The following APBA2 variants were observed in gnomAD, a reference collection of about 807,000 sequenced individuals.
APBA2 encodes the protein amyloid-beta A4 precursor protein-binding family A member 2.
APBA2 carries 30 observed loss-of-function variants against 75.0 expected under a neutral mutation model. The ratio of observed to expected loss-of-function variants is 0.40; its 90% CI spans 0.30 to 0.54. APBA2 has a LOEUF of 0.54. Ranked by LOEUF, APBA2 falls within the 20% of genes least tolerant of loss-of-function variation. The probability of loss-of-function intolerance (pLI) is 0.49; values close to 1 mark genes in which losing one functional copy is unlikely to be tolerated. For missense variants in APBA2, 801 were observed against 1,016.1 expected (o/e 0.79, Z 2.88); for synonymous variants, 444 against 409.6 (o/e 1.08, Z -1.01).
Position 29,117,630 on chromosome 15 carries a change from C to G in APBA2, c.*497C>G, listed in dbSNP as rs1802437315. On this transcript the variant is annotated 3_prime_UTR_variant, in exon 15 of 15. Coordinates refer to ENST00000683413, the MANE Select transcript of APBA2 (RefSeq NM_001353788.2). Reference sequence around the variant, plus strand: ...GACTGCAGGGACACGGGCAGCCTGGCTCCCAGGACACGACTTGTAATGAAA... The same window carrying G: ...GACTGCAGGGACACGGGCAGCCTGGGTCCCAGGACACGACTTGTAATGAAA... 1.2e-5 allele frequency: 2 copies of G among 165,592 alleles called. No homozygotes were observed. Among genetic ancestry groups the G allele is most frequent in the Admixed American group, 1.1e-4 (2 of 17,576 alleles). 10.3% of individuals were successfully genotyped at this position (165,592 alleles called of 1,614,324 possible).
chr15:29,048,974 C>T (rs981019488), intron 3 of APBA2, among the ~76,000 whole-genome samples: 4 of 151,594 alleles, frequency 2.6e-5, no homozygotes, highest in Non-Finnish European at 4.4e-5. Context: ...GTGTATGACA[C>T]GCAGGGTGAC....
intron 3 of APBA2, among the ~76,000 whole-genome samples, chr15:29,013,119 G>A (rs949928797): frequency 3.3e-5 from 5 of 151,850 alleles, no homozygotes; most frequent in African/African-American, 7.3e-5. Context: ...CATAGCAGGC[G>A]GTGGAATTCT....
chr15:28,897,804 G>A (rs995496995), intron 1 of APBA2, among the ~76,000 whole-genome samples: 18 of 152,130 alleles, frequency 1.2e-4, no homozygotes, highest in Non-Finnish European at 2.6e-4. Flanking sequence ...CAATCCAAAT[G>A]AAATGGAGTG....
In APBA2 at chr15:28,941,153, T is replaced by C. The variant is rs115406744; in HGVS notation, c.-95+19404T>C. 8.3e-3 allele frequency among the ~76,000 whole-genome samples: 1,269 copies of C among 152,334 alleles called. 29 individuals are homozygous for C. Among genetic ancestry groups the C allele is most frequent in the African/African-American group, 0.029 (1,197 of 41,578 alleles). The stretch of plus-strand genomic sequence containing the variant: ...TGAAATATATATCCTGCTTTTCTTA[T>C]GCAGGCCGCACTACTGGGTGAGCAG... On this transcript the variant is annotated intron_variant, in intron 2 of 14. Transcript: ENST00000683413.
intron 2 of APBA2, among the ~76,000 whole-genome samples, chr15:28,951,344 C>A (rs919786833): frequency 1.3e-5 from 2 of 152,136 alleles, no homozygotes; most frequent in African/African-American, 4.8e-5. Context: ...AAAACTGTAC[C>A]TCTTTCTGGC....
At chr15:29,071,141 G>A (rs2042604050) in intron 4 of APBA2, 1 of 442,708 alleles carries the variant, frequency 2.3e-6, no homozygotes, top group Non-Finnish European at 4.5e-6. Flanking sequence ...CCAAAGCAAT[G>A]TGATTATATT....
At chr15:28,979,290 C>T (rs2152764140) in intron 2 of APBA2, among the ~76,000 whole-genome samples, 1 of 152,356 alleles carries the variant, frequency 6.6e-6, no homozygotes, top group Non-Finnish European at 1.5e-5. Flanking sequence ...CCGTATTCCT[C>T]AGCATCACAT....
chr15:28,947,054 C>CA (rs2035588659), intron 2 of APBA2, among the ~76,000 whole-genome samples: 1 of 152,248 alleles, frequency 6.6e-6, no homozygotes, highest in Admixed American at 6.5e-5. Context: ...ACGGGGCTCT[C>CA]ATTTTGCTCA....
Position 29,105,528 on chromosome 15 carries a change from C to T in APBA2, c.1674C>T (p.Ile558=), listed in dbSNP as rs1300316014. The change falls in exon 11 of 15, where the codon ATC becomes ATT. Residue 558 remains isoleucine, a synonymous_variant. Coordinates refer to ENST00000683413, the MANE Select transcript of APBA2 (RefSeq NM_001353788.2). The part of the protein sequence containing the change: ...NTQEMYNDDL[I]HFSNSENCKE... Reference sequence around the variant, plus strand: ...AGGAGATGTACAACGACGACCTCATCCACTTCTCAAACTCGGAGAACTGCA... The same window carrying T: ...AGGAGATGTACAACGACGACCTCATTCACTTCTCAAACTCGGAGAACTGCA... 2 of 1,613,756 alleles carry T rather than the reference C, an allele frequency of 1.2e-6. No individual in the cohort carries two copies. The highest frequency in any genetic ancestry group is 1.7e-6 in the Non-Finnish European group (2 of 1,180,038).
intron 3 of APBA2, among the ~76,000 whole-genome samples, chr15:29,004,721 C>T (rs1014915734): frequency 6.6e-6 from 1 of 152,096 alleles, no homozygotes; most frequent in African/African-American, 2.4e-5. Context: ...CTCTTGTTGC[C>T]CAGGCTGGAG....
intron 2 of APBA2, among the ~76,000 whole-genome samples, chr15:28,949,364 C>CGGA: frequency 6.6e-6 from 1 of 152,258 alleles, no homozygotes; most frequent in Middle Eastern, 3.4e-3. Flanking sequence ...GGGGTATCTG[C>CGGA]GGAAGAGCAC....
intron 4 of APBA2, among the ~76,000 whole-genome samples, chr15:29,056,632 C>G (rs1482357287): frequency 1.0e-5 from 1 of 99,930 alleles, no homozygotes; most frequent in Non-Finnish European, 1.9e-5. Context: ...CTCCCTCCCT[C>G]CCTCCTCTCT....
intron 2 of APBA2, among the ~76,000 whole-genome samples, chr15:28,962,662 C>T (rs1405805910): frequency 6.6e-6 from 1 of 151,640 alleles, no homozygotes; most frequent in Admixed American, 6.6e-5. Flanking sequence ...ATCTGCCCAC[C>T]TCTGCCTCCC....
Position 29,098,483 on chromosome 15 carries a change from T to G in APBA2, c.1252-7T>G. 6.2e-7 allele frequency: 1 copy of G among 1,611,628 alleles called. No individual in the cohort carries two copies. The highest frequency in any genetic ancestry group is 8.5e-7 in the Non-Finnish European group (1 of 1,177,696). On this transcript the variant is annotated splice_region_variant and splice_polypyrimidine_tract_variant and intron_variant, in intron 8 of 14. Coordinates refer to ENST00000683413, the MANE Select transcript of APBA2 (RefSeq NM_001353788.2). ...TGGACTTTAACAATATCCACTGTCCTTCTTAGAATTCTGAGGGGGATGCCC... is the reference window on the plus strand; with the variant it reads ...TGGACTTTAACAATATCCACTGTCCGTCTTAGAATTCTGAGGGGGATGCCC...
At chr15:28,891,862 A>G (rs1306856914) in intron 1 of APBA2, among the ~76,000 whole-genome samples, 1 of 152,230 alleles carries the variant, frequency 6.6e-6, no homozygotes, top group African/African-American at 2.4e-5. Context: ...CCATAAGATT[A>G]TTATGGAGCT....
chr15:28,997,545 T>C (rs996447139), intron 3 of APBA2, among the ~76,000 whole-genome samples: 49 of 152,204 alleles, frequency 3.2e-4, no homozygotes, highest in African/African-American at 1.1e-3. Flanking sequence ...ATGTTACTTA[T>C]GGAGACACAG....
chr15:28,933,156 T>C (rs1389022615), intron 2 of APBA2, among the ~76,000 whole-genome samples: 1 of 152,188 alleles, frequency 6.6e-6, no homozygotes, highest in African/African-American at 2.4e-5. Flanking sequence ...TTTCAGGACC[T>C]AATCACCTCT....
chr15:28,900,417 C>A (rs182363166), intron 1 of APBA2, among the ~76,000 whole-genome samples: 1 of 152,312 alleles, frequency 6.6e-6, no homozygotes, highest in African/African-American at 2.4e-5. Context: ...GCATCTACTG[C>A]CCTGGCCACT....
At chr15:29,085,473 C>T (rs1247593981) in intron 6 of APBA2, among the ~76,000 whole-genome samples, 6 of 145,356 alleles carry the variant, frequency 4.1e-5, no homozygotes, top group Non-Finnish European at 7.4e-5. Flanking sequence ...TGCAGTGAGC[C>T]GAGATTGCAC....
Sources: gnomAD v4.1 joint callset for allele counts (sites outside exome capture counted in the v4.1 genomes callset) on GRCh38, gnomAD v4.1.1 for gene constraint, MANE v1.5 for transcripts, NCBI Gene and HGNC (gene_info 2026-07-23, HGNC 2026-07-21) for gene names.